ZNF519: variants seen among roughly 807,000 people sequenced by gnomAD.
ZNF519 encodes the protein zinc finger protein 519, also known as similar to Zinc finger protein 85 (Zinc finger protein HPF4) (HTF1).
In ZNF519, 7 loss-of-function variants were observed where a neutral mutation model predicts 7.4. The observed-to-expected ratio is 0.94, with a 90% CI of 0.54 to 1.77. ZNF519 has a LOEUF of 1.77. Ranked by LOEUF, ZNF519 falls within the 40% of genes most tolerant of loss-of-function variation. The pLI is 0.00. For synonymous variants in ZNF519, 179 were observed against 203.3 expected, an observed-to-expected ratio of 0.88 and a Z score of 1.02; for missense variants, 586 against 623.1, an observed-to-expected ratio of 0.94 and a Z score of 0.63.
chr18:14,087,996 G>A (rs1567940003), intron 2 of ZNF519, among the ~76,000 whole-genome samples: 1 of 152,226 alleles, frequency 6.6e-6, no homozygotes, highest in East Asian at 1.9e-4. Flanking sequence ...GAGAGAGCTG[G>A]CACACTCAGA....
At chr18:14,087,227 C>T (rs761093172) in intron 2 of ZNF519, among the ~76,000 whole-genome samples, 4 of 152,164 alleles carry the variant, frequency 2.6e-5, no homozygotes, top group Middle Eastern at 3.4e-3. Flanking sequence ...TATAACAGAA[C>T]CATCATACTG....
intron 2 of ZNF519, among the ~76,000 whole-genome samples, chr18:14,120,164 G>T (rs547695919): frequency 1.3e-5 from 2 of 152,206 alleles, no homozygotes; most frequent in South Asian, 4.1e-4. Context: ...AAAGGTTATA[G>T]TAATGAAAAG....
chr18:14,104,981 T>A lies in ZNF519; in HGVS notation c.1559A>T (p.Glu520Val), dbSNP rs746245463. ...HTGEKPFKCK[E>V]CGKAFNRRST... ...GCGTCTGTTAAAAGCTTTGCCACAT[T>A]CTTTACATTTGAAAGGTTTCTCTCC... The change falls in exon 3 of 3, where the codon GAA becomes GTA. Residue 520 changes from glutamate (E) to valine (V), a missense_variant. Glu to Val is a moderately radical substitution (Grantham distance 121). Coordinates refer to ENST00000590202, the MANE Select transcript of ZNF519 (RefSeq NM_145287.4). 6.3e-7 allele frequency: 1 copy of A among 1,594,550 alleles called. No individual in the cohort carries two copies. Among genetic ancestry groups the A allele is most frequent in the Admixed American group, 1.7e-5 (1 of 57,376 alleles).
In ZNF519 at chr18:14,099,940, T is replaced by A. The variant is rs1360569062; in HGVS notation, c.*4977A>T. 1 of 152,226 alleles carries A rather than the reference T, an allele frequency of 6.6e-6. No homozygotes were observed. Among genetic ancestry groups the A allele is most frequent in the Non-Finnish European group, 1.5e-5 (1 of 68,040 alleles). 9.4% of individuals were successfully genotyped at this position (152,226 alleles called of 1,614,324 possible). ...ATGGAAGAAAATCCTTGCAAATGTT[T>A]TTCTTTGTGGAAAAAAAACTTATTT... On this transcript the variant is annotated 3_prime_UTR_variant, in exon 3 of 3. Coordinates refer to ENST00000590202, the MANE Select transcript of ZNF519 (RefSeq NM_145287.4).
At chr18:14,080,480 C>T (rs971523971) in intron 3 of ZNF519, among the ~76,000 whole-genome samples, 2 of 151,996 alleles carry the variant, frequency 1.3e-5, no homozygotes, top group African/African-American at 4.8e-5. Context: ...CGCCACCATG[C>T]CCAGCTAATT....
intron 1 of ZNF519, among the ~76,000 whole-genome samples, chr18:14,124,735 T>C (rs935505838): frequency 2.6e-5 from 4 of 152,002 alleles, no homozygotes; most frequent in African/African-American, 9.7e-5. Flanking sequence ...GACCTCCTTC[T>C]GGAACAACGG....
chr18:14,106,188 C>T lies in ZNF519; in HGVS notation c.352G>A (p.Asp118Asn), dbSNP rs201363531. 262 of 1,612,490 alleles carry T rather than the reference C, an allele frequency of 1.6e-4. No homozygotes were observed. Among genetic ancestry groups the T allele is most frequent in the Non-Finnish European group, 2.1e-4 (251 of 1,179,602 alleles). The change falls in exon 3 of 3, where the codon GAC (aspartate) becomes AAC (asparagine). Residue 118 changes from aspartate to asparagine, a missense_variant. Physicochemically the swap from Asp to Asn is conservative, Grantham distance 23. Transcript: ENST00000590202. ...TTCTGAAATATTCTATATTCTTTGT[C>T]TCCTTTCACAGTTAAATGTTTGTTA... ...SHNKHLTVKG[D>N]KEYRIFQKKP... is the part of the protein sequence containing the mutation.
chr18:14,079,754 C>T (rs1360280658), intron 3 of ZNF519, among the ~76,000 whole-genome samples: 1 of 152,036 alleles, frequency 6.6e-6, no homozygotes, highest in Non-Finnish European at 1.5e-5. Context: ...AAAATGAACA[C>T]AAAATAGATT....
Position 14,132,389 on chromosome 18 carries a change from C to A in ZNF519, c.-112G>T. The A allele has an allele frequency of 7.9e-6, 11 of 1,391,656 alleles. No homozygotes were observed. In the South Asian group the frequency reaches 1.3e-4, roughly 17 times the overall value. 86.2% of individuals were successfully genotyped at this position (1,391,656 alleles called of 1,614,324 possible). ...CACCGAAGTCTCCCGGAGCAGAGGA[C>A]ACAAGGCAATGAAGCCCTAACCCCG... is the stretch of plus-strand genomic sequence containing the variant. On this transcript the variant is annotated 5_prime_UTR_variant, in exon 1 of 3. Coordinates refer to ENST00000590202, the MANE Select transcript of ZNF519 (RefSeq NM_145287.4).
intron 2 of ZNF519, among the ~76,000 whole-genome samples, chr18:14,117,468 C>T (rs1252592402): frequency 6.6e-6 from 1 of 152,118 alleles, no homozygotes; most frequent in East Asian, 1.9e-4. Flanking sequence ...TTGTGCACTG[C>T]TGGTAGGGAA....
chr18:14,131,602 T>C (rs1396129632), intron 1 of ZNF519, among the ~76,000 whole-genome samples: 3 of 152,204 alleles, frequency 2.0e-5, no homozygotes, highest in Admixed American at 6.5e-5. Context: ...TAGGCCTCTA[T>C]GTAAAAAAAG....
chr18:14,122,935 C>T (rs1448499129), intron 2 of ZNF519, among the ~76,000 whole-genome samples: 1 of 131,240 alleles, frequency 7.6e-6, no homozygotes, highest in South Asian at 3.1e-4. Flanking sequence ...CCCCCTCCCC[C>T]CACCCCACGA....
intron 1 of ZNF519, 35 bp downstream of exon 1, chr18:14,132,240 C>T: frequency 6.2e-7 from 1 of 1,613,014 alleles, no homozygotes; most frequent in Non-Finnish European, 8.5e-7. Flanking sequence ...GGAGCCCCCT[C>T]CCCAGTCTCG....
At chr18:14,111,660 A>G (rs2046221668) in intron 2 of ZNF519, among the ~76,000 whole-genome samples, 1 of 152,140 alleles carries the variant, frequency 6.6e-6, no homozygotes, top group Non-Finnish European at 1.5e-5. Flanking sequence ...GAGCAGATAG[A>G]TGCCATAAAT....
At chr18:14,132,216 C>A in intron 1 of ZNF519, 59 bp downstream of exon 1, 1 of 1,605,896 alleles carries the variant, frequency 6.2e-7, no homozygotes. Flanking sequence ...ACCGCCATGT[C>A]CAGCCGGTTC....
intron 2 of ZNF519, among the ~76,000 whole-genome samples, chr18:14,088,933 T>G (rs777217471): frequency 6.6e-6 from 1 of 152,040 alleles, no homozygotes; most frequent in Non-Finnish European, 1.5e-5. Context: ...AGATACATTC[T>G]ATATGTAAGA....
intron 2 of ZNF519, among the ~76,000 whole-genome samples, chr18:14,117,193 T>C (rs2046250241): frequency 6.6e-6 from 1 of 152,124 alleles, no homozygotes; most frequent in South Asian, 2.1e-4. Context: ...AATTGTATGT[T>C]TGACAGAAGT....
rs764094866 is a variant in ZNF519 at position 14,105,059 on chromosome 18, C to A, written c.1481G>T (p.Gly494Val). ...GEKFFKCKEC[G>V]KAFTRSSHLT... ...GTGTGAGCTCCTGGTAAAAGCTTTG[C>A]CACATTCTTTACATTTGAAGAATTT... is the stretch of plus-strand genomic sequence containing the variant. Residue 494 changes from glycine (G) to valine (V), a missense_variant, in exon 3 of 3, where the codon GGC becomes GTC. Gly to Val is a moderately radical substitution (Grantham distance 109). Transcript: ENST00000590202. 2 of 1,611,832 alleles carry A rather than the reference C, an allele frequency of 1.2e-6. No individual in the cohort carries two copies. Among genetic ancestry groups the A allele is most frequent in the Non-Finnish European group, 1.7e-6 (2 of 1,179,034 alleles).
At position 14,123,768 on chromosome 18, in the gene ZNF519, G is replaced by A. The variant is rs780468764; in HGVS notation, c.130+582C>T. On this transcript the variant is annotated intron_variant, in intron 2 of 2. Transcript: ENST00000590202. ...GTACAAAATGAATGTAAAGGTGTGG[G>A]AAACAATATTTTATGTCATTCAATT... 2.0e-5 allele frequency among the ~76,000 whole-genome samples: 3 copies of A among 152,142 alleles called. No individual in the cohort carries two copies. In the South Asian group the frequency reaches 6.2e-4, roughly 32 times the overall value.
Sources: gnomAD v4.1 joint callset for allele counts (sites outside exome capture counted in the v4.1 genomes callset) on GRCh38, gnomAD v4.1.1 for gene constraint, MANE v1.5 for transcripts, NCBI Gene and HGNC (gene_info 2026-07-23, HGNC 2026-07-21) for gene names.